CCDC30: variants seen among roughly 807,000 people sequenced by gnomAD.
The protein encoded by CCDC30 is coiled-coil domain-containing protein 30.
A neutral mutation model predicts 100.2 loss-of-function variants in CCDC30; 70 were observed. That is an observed-to-expected ratio of 0.70 (90% confidence interval 0.58 to 0.85). CCDC30 has a LOEUF of 0.85. Ranked by LOEUF, CCDC30 falls within the 40% of genes least tolerant of loss-of-function variation. CCDC30 has a pLI of 0.00. For synonymous variants in CCDC30, 233 were observed against 269.5 expected (o/e 0.86, Z 1.33); for missense variants, 652 against 771.2 (o/e 0.85, Z 1.83).
At chr1:42,458,629 T>A (rs749722731), upstream of CCDC30, among the ~76,000 whole-genome samples, 4 of 152,258 alleles carry the variant, frequency 2.6e-5, no homozygotes, top group Admixed American at 2.6e-4. Context: ...AACTGGTATA[T>A]GATCCCTATC....
intron 6 of CCDC30, among the ~76,000 whole-genome samples, chr1:42,503,509 A>G (rs1644351568): frequency 6.8e-6 from 1 of 146,988 alleles, no homozygotes; most frequent in Admixed American, 6.9e-5. Context: ...CCTAATCTTA[A>G]TATGCAAATG....
chr1:42,492,752 A>G (rs1020038829), intron 4 of CCDC30, among the ~76,000 whole-genome samples: 1 of 152,030 alleles, frequency 6.6e-6, no homozygotes, highest in African/African-American at 2.4e-5. Flanking sequence ...GGTTCAAGCA[A>G]TTCTCTGCCT....
At chr1:42,649,640 G>C (rs1411987411) in intron 15 of CCDC30, among the ~76,000 whole-genome samples, 2 of 152,046 alleles carry the variant, frequency 1.3e-5, no homozygotes, top group African/African-American at 4.8e-5. Flanking sequence ...CATCCAAATA[G>C]GAAAGGAAAC....
chr1:42,644,643 G>A (rs781224996), intron 13 of CCDC30, 50 bp from the exon 18 acceptor site: 2 of 1,172,252 alleles, frequency 1.7e-6, no homozygotes, highest in Non-Finnish European at 2.5e-6. Flanking sequence ...TGGGTTTTTA[G>A]TAATGATACA....
intron 6 of CCDC30, among the ~76,000 whole-genome samples, chr1:42,546,396 AAAAATATATATATATATATATAT>A (rs1452205747): frequency 0.02 from 314 of 15,874 alleles, 29 homozygotes; most frequent in African/African-American, 0.053. Context: ...AAAAAAAAAA[AAAAATATATATATATATATATAT>A]ATATATATAT....
At chr1:42,549,154 G>C (rs564203856) in intron 6 of CCDC30, among the ~76,000 whole-genome samples, 1 of 152,124 alleles carries the variant, frequency 6.6e-6, no homozygotes, top group Non-Finnish European at 1.5e-5. Context: ...GGACTGATGA[G>C]CGGGACCATT....
At chr1:42,630,997 T>C (rs1209124096) in intron 11 of CCDC30, among the ~76,000 whole-genome samples, 1 of 152,126 alleles carries the variant, frequency 6.6e-6, no homozygotes, top group Non-Finnish European at 1.5e-5. Context: ...GGTGAGATCA[T>C]GTTTTCCTGG....
chr1:42,543,454 T>G (rs1645057829), intron 6 of CCDC30, among the ~76,000 whole-genome samples: 1 of 151,886 alleles, frequency 6.6e-6, no homozygotes, highest in African/African-American at 2.4e-5. Context: ...TCCGAGTAAC[T>G]GGGGTTGCAG....
At position 42,498,804 on chromosome 1, in the gene CCDC30, C is replaced by A; in HGVS notation, c.358-14C>A. On this transcript the variant is annotated splice_polypyrimidine_tract_variant and intron_variant, in intron 5 of 16. Transcript: ENST00000668663. ...AATTGAGAAGTCTACAAGGTGTTTA[C>A]TTTTGTATTTAAGGTTGAAAGACTT... The A allele has an allele frequency of 8.3e-7, 1 of 1,209,036 alleles. No homozygotes were observed. The highest frequency in any genetic ancestry group is 1.0e-6 in the Non-Finnish European group (1 of 965,236). The allele number at this position is 1,209,036 out of a possible 1,614,324, so 74.9% of individuals were successfully genotyped here.
At chr1:42,544,345 G>T (rs983638547) in intron 6 of CCDC30, among the ~76,000 whole-genome samples, 4 of 152,288 alleles carry the variant, frequency 2.6e-5, no homozygotes, top group Non-Finnish European at 5.9e-5. Context: ...TGAGCAAATG[G>T]TTTGCCAAAT....
At chr1:42,584,204 A>G (rs1646023459) in intron 9 of CCDC30, among the ~76,000 whole-genome samples, 1 of 152,252 alleles carries the variant, frequency 6.6e-6, no homozygotes, top group Non-Finnish European at 1.5e-5. Context: ...CCAGAAACTT[A>G]CACAGAAGGA....
At chr1:42,651,428 C>T (rs1394854012) in intron 15 of CCDC30, among the ~76,000 whole-genome samples, 1 of 150,806 alleles carries the variant, frequency 6.6e-6, no homozygotes, top group African/African-American at 2.4e-5. Context: ...CCTGAATAGA[C>T]ATTTCTCAAA....
At chr1:42,569,751 A>G (rs1472586612) in intron 7 of CCDC30, among the ~76,000 whole-genome samples, 3 of 152,260 alleles carry the variant, frequency 2.0e-5, no homozygotes, top group African/African-American at 7.2e-5. Flanking sequence ...GATAGACTGG[A>G]TAAAGAAAAT....
chr1:42,630,545 G>C lies in CCDC30; in HGVS notation c.1278-6692G>C, dbSNP rs530634974. Among the ~76,000 whole-genome samples the C allele has an allele frequency of 2.0e-4, 30 of 151,616 alleles. 2 individuals carry two copies. Among genetic ancestry groups the C allele is most frequent in the Middle Eastern group, 6.8e-3 (2 of 292 alleles). ...TTATAGGTGCGTGCCACCACACCTA[G>C]CTATTTTTGTATTTTTAGTAGAGAC... On this transcript the variant is annotated intron_variant, in intron 11 of 16. Transcript: ENST00000668663.
intron 1 of CCDC30, among the ~76,000 whole-genome samples, chr1:42,468,265 GT>G (rs1190344669): frequency 6.6e-6 from 1 of 152,200 alleles, no homozygotes; most frequent in Non-Finnish European, 1.5e-5. Context: ...CCTTGAAATG[GT>G]CAGAGACCCA....
At chr1:42,541,447 T>C (rs1457852797) in intron 6 of CCDC30, among the ~76,000 whole-genome samples, 1 of 152,252 alleles carries the variant, frequency 6.6e-6, no homozygotes, top group Non-Finnish European at 1.5e-5. Flanking sequence ...AGAATGTCTC[T>C]TAATTTGGAT....
At chr1:42,473,354 G>A (rs896451702) in intron 1 of CCDC30, 1 of 1,020,084 alleles carries the variant, frequency 9.8e-7, no homozygotes, top group African/African-American at 1.7e-5. Context: ...TTTGTTCATT[G>A]CCCTTCATTA....
At chr1:42,563,522 A>G (rs775433738) in intron 6 of CCDC30, among the ~76,000 whole-genome samples, 11 of 152,176 alleles carry the variant, frequency 7.2e-5, no homozygotes, top group Non-Finnish European at 1.3e-4. Context: ...ACCATGGCAC[A>G]CGTATATCTA....
rs562183204 is a variant in CCDC30, at chr1:42,653,656, G to C, written c.1923-162G>C. Reference sequence around the variant, plus strand: ...TAAACCCCACAGAATCCTGACTTAAGGTAGGAAATAAAATATGAACATAGG... The same window carrying C: ...TAAACCCCACAGAATCCTGACTTAACGTAGGAAATAAAATATGAACATAGG... On this transcript the variant is annotated intron_variant, in intron 16 of 16. Coordinates refer to ENST00000668663, the Ensembl canonical transcript of CCDC30. Among the ~76,000 whole-genome samples the C allele has an allele frequency of 4.6e-5, 7 of 152,222 alleles. No individual in the cohort carries two copies. In the South Asian group the frequency reaches 8.3e-4, roughly 18 times the overall value.
Sources: allele counts gnomAD v4.1 joint callset (sites outside exome capture counted in the v4.1 genomes callset), GRCh38; gene constraint gnomAD v4.1.1; transcripts MANE v1.5; gene names NCBI Gene and HGNC (gene_info 2026-07-23, HGNC 2026-07-21).